The following TBC1D16 variants were observed in gnomAD, a reference collection of about 807,000 sequenced individuals.
The protein encoded by TBC1D16 is TBC1 domain family member 16.
TBC1D16 carries 58 observed loss-of-function variants against 74.7 expected under a neutral mutation model. The observed-to-expected ratio is 0.78, with a 90% CI of 0.63 to 0.97. TBC1D16 has a LOEUF of 0.97. Ranked by LOEUF, TBC1D16 falls within the 50% of genes least tolerant of loss-of-function variation. TBC1D16 has a pLI of 0.00. For synonymous variants in TBC1D16, 493 were observed against 474.7 expected (o/e 1.04, Z -0.50); for missense variants, 1,014 against 1,079.5 (o/e 0.94, Z 0.85).
In TBC1D16 at chr17:80,022,631, G is replaced by A. The variant is rs769762607; in HGVS notation, c.-62-9022C>T. ...TGGGATTACAGGCGTGAGCCACCAC[G>A]TCCGGCCCTGTTTTTATTTTTTTGA... On this transcript the variant is annotated intron_variant, in intron 1 of 11. Transcript: ENST00000310924. Among the ~76,000 whole-genome samples, 13 of 148,516 alleles carry A rather than the reference G, an allele frequency of 8.8e-5. 1 individual carries two copies. The highest frequency in any genetic ancestry group is 2.9e-4 in the African/African-American group (11 of 38,364).
chr17:80,022,394 T>C (rs1179883280), intron 1 of TBC1D16, among the ~76,000 whole-genome samples: 3 of 149,894 alleles, frequency 2.0e-5, no homozygotes, highest in Non-Finnish European at 1.5e-5. Context: ...TGGAGTGCAG[T>C]GGTGCTATCT....
intron 1 of TBC1D16, among the ~76,000 whole-genome samples, chr17:80,024,481 CCATAGA>C (rs2036439473): frequency 7.2e-6 from 1 of 138,932 alleles, no homozygotes; most frequent in Non-Finnish European, 1.5e-5. Context: ...ACACCACACA[CCATAGA>C]CACACACCAC....
Position 80,010,670 on chromosome 17 carries a change from T to G in TBC1D16, c.269A>C (p.Gln90Pro). 6.5e-7 allele frequency: 1 copy of G among 1,529,348 alleles called. No homozygotes were observed. 94.7% of individuals were successfully genotyped at this position (1,529,348 alleles called of 1,614,324 possible). Residue 90 changes from glutamine to proline, a missense_variant, in exon 3 of 12, where the codon CAG (glutamine) becomes CCG (proline). Physicochemically the swap from Gln to Pro is moderately conservative, Grantham distance 76 (BLOSUM62 -1). Transcript: ENST00000310924. This position sits in a 1 kb window ranked among gnomAD's most constrained non-coding sequence, Gnocchi z 8.8. ...AWVPNSRIQR[Q>P]DEEALRYITP... ...GATGTAGCGCAGGGCCTCCTCGTCC[T>G]GCCTCTGGATGCGAGAGTTGGGGAC...
chr17:79,960,399 C>T (rs938878553), intron 3 of TBC1D16, among the ~76,000 whole-genome samples: 1 of 152,050 alleles, frequency 6.6e-6, no homozygotes, highest in African/African-American at 2.4e-5. Flanking sequence ...AGAAAGAAAC[C>T]TCAATGCAAT....
chr17:79,957,797 C>T (rs927241490), intron 3 of TBC1D16, among the ~76,000 whole-genome samples: 20 of 151,472 alleles, frequency 1.3e-4, no homozygotes, highest in Non-Finnish European at 2.5e-4. Context: ...TGAGAATTCT[C>T]TGTACCCTTC....
chr17:79,973,536 C>T (rs1410240373), intron 3 of TBC1D16, among the ~76,000 whole-genome samples: 3 of 152,056 alleles, frequency 2.0e-5, no homozygotes, highest in Admixed American at 6.5e-5. Context: ...GGTGAAACCC[C>T]GTTTCTACTA....
chr17:80,028,372 T>C (rs2036658882), intron 1 of TBC1D16, among the ~76,000 whole-genome samples: 2 of 151,546 alleles, frequency 1.3e-5, no homozygotes, highest in Non-Finnish European at 2.9e-5. Context: ...CTATTAGAAA[T>C]ACAAAAATTA....
At chr17:79,996,394 C>T (rs948859470) in intron 3 of TBC1D16, among the ~76,000 whole-genome samples, 3 of 152,244 alleles carry the variant, frequency 2.0e-5, no homozygotes, top group South Asian at 2.1e-4. Context: ...TTCGACATCA[C>T]GAGCCATTAG....
chr17:79,985,024 T>A lies in TBC1D16; in HGVS notation c.779+25136A>T, dbSNP rs1167630791. Among the ~76,000 whole-genome samples, 1 of 152,066 alleles carries A rather than the reference T, an allele frequency of 6.6e-6. No individual in the cohort carries two copies. Among genetic ancestry groups the A allele is most frequent in the African/African-American group, 2.4e-5 (1 of 41,394 alleles). ...AATGAAGGACCACAGACCAGAAGCT[T>A]GAAAACAACAGAAATGTATTGTCTG... On this transcript the variant is annotated intron_variant, in intron 3 of 11. Transcript: ENST00000310924. The surrounding 1 kb of genome is among the most constrained non-coding windows in gnomAD (Gnocchi z 4.9).
intron 3 of TBC1D16, among the ~76,000 whole-genome samples, chr17:79,963,800 G>C (rs896795308): frequency 6.6e-5 from 10 of 152,116 alleles, no homozygotes; most frequent in African/African-American, 9.7e-5. Context: ...TATTTCATTG[G>C]AGTTTTGATT....
chr17:79,952,617 A>C, intron 4 of TBC1D16, 40 bp downstream of exon 4: 1 of 1,553,386 alleles, frequency 6.4e-7, no homozygotes, highest in Non-Finnish European at 8.7e-7. Context: ...GAAAACACAC[A>C]CAGGCCAACT....
At position 79,986,951 on chromosome 17, in the gene TBC1D16, G is replaced by A. The variant is rs764050545; in HGVS notation, c.779+23209C>T. Among the ~76,000 whole-genome samples, 4 of 152,352 alleles carry A rather than the reference G, an allele frequency of 2.6e-5. No individual in the cohort carries two copies. The highest frequency in any genetic ancestry group is 7.2e-5 in the African/African-American group (3 of 41,584). On this transcript the variant is annotated intron_variant, in intron 3 of 11. Coordinates refer to ENST00000310924, the MANE Select transcript of TBC1D16 (RefSeq NM_019020.4). This position sits in a 1 kb window ranked among gnomAD's most constrained non-coding sequence, Gnocchi z 6.0. Reference sequence around the variant, plus strand: ...GCTGTGTTTACTTGGCTCCCTTCCCGGGATGGCCTTGTAGCAAATCCATCT... The same window carrying A: ...GCTGTGTTTACTTGGCTCCCTTCCCAGGATGGCCTTGTAGCAAATCCATCT...
intron 3 of TBC1D16, among the ~76,000 whole-genome samples, chr17:79,964,550 TG>T (rs1485757249): frequency 1.3e-5 from 2 of 152,196 alleles, no homozygotes; most frequent in African/African-American, 2.4e-5. Flanking sequence ...CTGGGGGTGA[TG>T]GATCTGTTCA....
chr17:79,957,131 C>G (rs1274866852), intron 3 of TBC1D16, among the ~76,000 whole-genome samples: 1 of 152,042 alleles, frequency 6.6e-6, no homozygotes, highest in Non-Finnish European at 1.5e-5. Flanking sequence ...ACACAGTATG[C>G]TGGGAGGGAT....
rs373446190 is a variant in TBC1D16, at chr17:80,002,082, G to A, written c.779+8078C>T. The stretch of plus-strand genomic sequence containing the variant: ...ACGGCAGGAAACGCAGAAGGGATCC[G>A]GAACGAGCAGAGCTTTGTGAGTCCA... On this transcript the variant is annotated intron_variant, in intron 3 of 11. Transcript: ENST00000310924. Among the ~76,000 whole-genome samples the A allele has an allele frequency of 3.9e-5, 6 of 152,284 alleles. No individual in the cohort carries two copies. In the East Asian group the frequency reaches 5.8e-4, roughly 15 times the overall value.
Position 79,998,040 on chromosome 17 carries a change from G to A in TBC1D16, c.779+12120C>T, listed in dbSNP as rs188708567. 6.7e-5 allele frequency among the ~76,000 whole-genome samples: 10 copies of A among 149,544 alleles called. No individual in the cohort carries two copies. In the East Asian group the frequency reaches 1.2e-3, roughly 18 times the overall value. On this transcript the variant is annotated intron_variant, in intron 3 of 11. Coordinates refer to ENST00000310924, the MANE Select transcript of TBC1D16 (RefSeq NM_019020.4). ...CTCAAGAGGCTGAGGCAGGAAAATC[G>A]CTTGAACCCAGGAGGTGGAGGTTGC...
At chr17:80,011,766 C>T (rs1032679044) in intron 2 of TBC1D16, among the ~76,000 whole-genome samples, 1 of 151,018 alleles carries the variant, frequency 6.6e-6, no homozygotes, top group East Asian at 2.0e-4. Flanking sequence ...ACGGAGCTTG[C>T]AGTGAGCCGA....
rs1484400755 is a variant in TBC1D16 at position 80,024,297 on chromosome 17, T to C, written c.-62-10688A>G. On this transcript the variant is annotated intron_variant, in intron 1 of 11. Coordinates refer to ENST00000310924, the MANE Select transcript of TBC1D16 (RefSeq NM_019020.4). ...CAGAGGCCGAGAAGCACACACACCA[T>C]AGACCCCACACCACGCACACCATAG... Among the ~76,000 whole-genome samples, 7 of 5,810 alleles carry C rather than the reference T, an allele frequency of 1.2e-3. No homozygotes were observed. The East Asian group carries it at 0.013, about 11-fold the overall frequency. The allele number at this position is 5,810 out of a possible 152,430, so 3.8% of individuals were successfully genotyped here.
rs992707514 is a variant in TBC1D16 at position 79,981,257 on chromosome 17, G to A, written c.780-28439C>T. Among the ~76,000 whole-genome samples the A allele has an allele frequency of 6.6e-6, 1 of 152,182 alleles. No homozygotes were observed. Among genetic ancestry groups the A allele is most frequent in the Non-Finnish European group, 1.5e-5 (1 of 68,038 alleles). ...TCCGCACCAATGCACTGCTTGGCCC[G>A]GCTCAGAGGATTTGACGCAAACCAG... On this transcript the variant is annotated intron_variant, in intron 3 of 11. Transcript: ENST00000310924. The surrounding 1 kb of genome is among the most constrained non-coding windows in gnomAD (Gnocchi z 6.9).
Sources: allele counts gnomAD v4.1 joint callset (sites outside exome capture counted in the v4.1 genomes callset), GRCh38; gene constraint gnomAD v4.1.1; non-coding constraint Gnocchi (gnomAD v3.1); transcripts MANE v1.5; gene names NCBI Gene and HGNC (gene_info 2026-07-23, HGNC 2026-07-21).